The following TMEM243 variants were observed in gnomAD, a reference collection of about 807,000 sequenced individuals.
TMEM243 encodes MDR1 and mitochondrial taxol resistance associated.
TMEM243 carries 20 observed loss-of-function variants against 15.0 expected under a neutral mutation model. That is an observed-to-expected ratio of 1.33 (90% CI 0.94 to 1.93). The LOEUF is 1.93. Among genes scored for constraint, TMEM243 ranks in the 30% most tolerant of loss-of-function variants. TMEM243 has a pLI of 0.00. For missense variants in TMEM243, 156 were observed against 142.1 expected (o/e 1.10, Z -0.50); for synonymous variants, 72 against 52.7 (o/e 1.37, Z -1.59).
chr7:87,219,703 T>A lies in TMEM243; in HGVS notation c.-200A>T, dbSNP rs1056386997. 1 of 587,174 alleles carries A rather than the reference T, an allele frequency of 1.7e-6. No homozygotes were observed. Among genetic ancestry groups the A allele is most frequent in the Non-Finnish European group, 3.0e-6 (1 of 330,980 alleles). 36.4% of individuals were successfully genotyped at this position (587,174 alleles called of 1,614,324 possible). A position where few individuals can be genotyped will look rare whatever the true frequency, so the allele number is the denominator to read the frequency against. ...CTGCTCCGCCCCGGCCCCGCGCACC[T>A]CCTCATCTTGAGCAGCTGCCGCAGG... is the stretch of plus-strand genomic sequence containing the variant. On this transcript the variant is annotated 5_prime_UTR_variant, in exon 1 of 4. Transcript: ENST00000257637.
chr7:87,215,617 A>T (rs1803050349), intron 1 of TMEM243, among the ~76,000 whole-genome samples: 15 of 152,186 alleles, frequency 9.9e-5, no homozygotes, highest in Admixed American at 9.2e-4. Context: ...ACAGGCTTGG[A>T]AACTTCAGAT....
Position 87,199,469 on chromosome 7 carries a change from A to T in TMEM243, c.79-412T>A, listed in dbSNP as rs150802220. On this transcript the variant is annotated intron_variant, in intron 1 of 3. Transcript: ENST00000257637. ...TGTAGAGTACCATGATGTGTCTGGA[A>T]CTATATTTGTAATACAGCTTAGGTA... 130 of 163,390 alleles carry T rather than the reference A, an allele frequency of 8.0e-4. 1 individual carries two copies. The highest frequency in any genetic ancestry group is 3.0e-3 in the African/African-American group (126 of 41,956). The allele number at this position is 163,390 out of a possible 1,614,324, so 10.1% of individuals were successfully genotyped here. A position where few individuals can be genotyped will look rare whatever the true frequency, so the allele number is the denominator to read the frequency against.
intron 1 of TMEM243, among the ~76,000 whole-genome samples, chr7:87,214,340 T>C (rs62486485): frequency 0.065 from 9,860 of 152,262 alleles, 462 homozygotes; most frequent in Middle Eastern, 0.1. Flanking sequence ...AAGCTTGTAC[T>C]AAAGAAAACT....
chr7:87,202,158 T>G (rs1801863696), intron 1 of TMEM243, among the ~76,000 whole-genome samples: 1 of 152,144 alleles, frequency 6.6e-6, no homozygotes, highest in Admixed American at 6.5e-5. Context: ...CAAAAGTGAA[T>G]AAAAACATCT....
chr7:87,208,375 A>G (rs1010350524), intron 1 of TMEM243, among the ~76,000 whole-genome samples: 5 of 152,226 alleles, frequency 3.3e-5, no homozygotes, highest in Non-Finnish European at 7.3e-5. Context: ...TGCAAATCCA[A>G]AAACCAGCAG....
At chr7:87,209,485 T>TGAGA (rs140490349) in intron 1 of TMEM243, among the ~76,000 whole-genome samples, 38 of 120,198 alleles carry the variant, frequency 3.2e-4, no homozygotes, top group African/African-American at 9.8e-4. Context: ...AGTGAGATAG[T>TGAGA]GAGAGAGAGA....
In TMEM243 at chr7:87,209,702, CAGTG is replaced by C. The variant is rs140990731; in HGVS notation, c.78+9720_78+9723del. On this transcript the variant is annotated intron_variant, in intron 1 of 3. Transcript: ENST00000257637. ...CGAGACACAGCGAGAGAGCGAGACA[CAGTG>C]AGAGCGAGACACAGTGAGAGCGAGA... Among the ~76,000 whole-genome samples the C allele has an allele frequency of 1.3e-3, 149 of 111,836 alleles. 9 individuals carry two copies. The highest frequency in any genetic ancestry group is 4.5e-3 in the South Asian group (16 of 3,546). The allele number at this position is 111,836 out of a possible 152,430, so 73.4% of individuals were successfully genotyped here.
At position 87,196,538 on chromosome 7, in the gene TMEM243, T is replaced by C; in HGVS notation, c.*98A>G. ...TTAACATGAAAATCATGTATCAGACTTCTGCAGGAGATTCTTCAGCATACC... is the reference window on the plus strand; with the variant it reads ...TTAACATGAAAATCATGTATCAGACCTCTGCAGGAGATTCTTCAGCATACC... On this transcript the variant is annotated 3_prime_UTR_variant, in exon 4 of 4. Transcript: ENST00000257637. The C allele has an allele frequency of 8.5e-7, 1 of 1,182,478 alleles. No individual in the cohort carries two copies. Among genetic ancestry groups the C allele is most frequent in the South Asian group, 1.4e-5 (1 of 69,414 alleles). 73.2% of individuals were successfully genotyped at this position (1,182,478 alleles called of 1,614,324 possible).
intron 1 of TMEM243, among the ~76,000 whole-genome samples, chr7:87,215,559 T>A (rs1263900928): frequency 1.3e-5 from 2 of 152,186 alleles, no homozygotes; most frequent in African/African-American, 4.8e-5. Flanking sequence ...GCTGCTCACA[T>A]CATATTTCTA....
At position 87,209,689 on chromosome 7, in the gene TMEM243, A is replaced by T. The variant is rs796588246; in HGVS notation, c.78+9737T>A. On this transcript the variant is annotated intron_variant, in intron 1 of 3. Transcript: ENST00000257637. Reference sequence around the variant, plus strand: ...GAGAGAGCGAGAGCGAGACACAGCGAGAGAGCGAGACACAGTGAGAGCGAG... The same window carrying T: ...GAGAGAGCGAGAGCGAGACACAGCGTGAGAGCGAGACACAGTGAGAGCGAG... Among the ~76,000 whole-genome samples, 55 of 61,452 alleles carry T rather than the reference A, an allele frequency of 9.0e-4. 1 individual carries two copies. The highest frequency in any genetic ancestry group is 3.6e-3 in the Admixed American group (22 of 6,168). 40.3% of individuals were successfully genotyped at this position (61,452 alleles called of 152,430 possible). A position where few individuals can be genotyped will look rare whatever the true frequency, so the allele number is the denominator to read the frequency against.
intron 1 of TMEM243, chr7:87,218,599 T>C (rs977422256): frequency 6.6e-6 from 1 of 152,144 alleles, no homozygotes; most frequent in South Asian, 2.1e-4. Context: ...ACTTTTTTTT[T>C]TTTTTCCTTC....
chr7:87,208,107 T>G (rs1410088491), intron 1 of TMEM243, among the ~76,000 whole-genome samples: 1 of 152,174 alleles, frequency 6.6e-6, no homozygotes, highest in Non-Finnish European at 1.5e-5. Context: ...ATTTCATCCC[T>G]GGCCCCTCCC....
intron 2 of TMEM243, chr7:87,198,336 C>A (rs1584513871): frequency 3.2e-6 from 1 of 309,810 alleles, no homozygotes. Context: ...AATGATTCTG[C>A]TGGTAAAAGT....
intron 1 of TMEM243, chr7:87,203,006 CAA>C (rs1157795642): frequency 2.0e-5 from 3 of 152,272 alleles, no homozygotes; most frequent in Non-Finnish European, 2.9e-5. Flanking sequence ...AACTAAAACT[CAA>C]ATGATCAGGT....
intron 1 of TMEM243, among the ~76,000 whole-genome samples, chr7:87,205,986 A>C (rs1802192337): frequency 6.6e-6 from 1 of 152,182 alleles, no homozygotes; most frequent in Admixed American, 6.5e-5. Context: ...ATTTATAAAG[A>C]AAAAGAGATT....
intron 1 of TMEM243, among the ~76,000 whole-genome samples, chr7:87,208,491 C>T (rs1336527138): frequency 6.6e-6 from 1 of 152,194 alleles, no homozygotes; most frequent in Non-Finnish European, 1.5e-5. Context: ...TTTCAGGGTA[C>T]AATTCTGATA....
At chr7:87,201,973 CAA>C (rs1371993902) in intron 1 of TMEM243, among the ~76,000 whole-genome samples, 1 of 152,102 alleles carries the variant, frequency 6.6e-6, no homozygotes, top group Non-Finnish European at 1.5e-5. Context: ...TTCCCAGAGA[CAA>C]AATATTCTGC....
chr7:87,204,091 A>G lies in TMEM243; in HGVS notation c.79-5034T>C, dbSNP rs1034399504. On this transcript the variant is annotated intron_variant, in intron 1 of 3. Transcript: ENST00000257637. ...TACAGTGATAGGCACGTCTTACATG[A>G]TGGCAGGCAAGAGAGAAAATGAGAG... 2.6e-5 allele frequency among the ~76,000 whole-genome samples: 4 copies of G among 152,328 alleles called. No homozygotes were observed. The South Asian group carries it at 8.3e-4, about 32-fold the overall frequency.
chr7:87,197,640 G>T, intron 3 of TMEM243: 1 of 1,057,640 alleles, frequency 9.5e-7, no homozygotes, highest in Non-Finnish European at 1.3e-6. Context: ...CTTGAGTGAA[G>T]ATGAATTAAG....
Sources: gnomAD v4.1 joint callset for allele counts (sites outside exome capture counted in the v4.1 genomes callset) on GRCh38, gnomAD v4.1.1 for gene constraint, MANE v1.5 for transcripts, NCBI Gene and HGNC (gene_info 2026-07-23, HGNC 2026-07-21) for gene names.